The following GARNL3 variants were observed in gnomAD, a reference collection of about 807,000 sequenced individuals.
GARNL3 encodes GTPase activating Rap/RanGAP domain like 3.
In GARNL3, 63 loss-of-function variants were observed where a neutral mutation model predicts 125.0. The ratio of observed to expected loss-of-function variants is 0.50; its 90% CI spans 0.41 to 0.62. The LOEUF (loss-of-function observed/expected upper bound fraction) is 0.62, where lower values mean the gene tolerates loss of function less well. Ranked by LOEUF, GARNL3 falls within the 20% of genes least tolerant of loss-of-function variation. The probability of loss-of-function intolerance (pLI) is 0.00; values close to 1 mark genes in which losing one functional copy is unlikely to be tolerated. For missense variants in GARNL3, 994 were observed against 1,244.0 expected, an observed-to-expected ratio of 0.80 and a Z score of 3.02; for synonymous variants, 439 against 457.5, an observed-to-expected ratio of 0.96 and a Z score of 0.52.
At chr9:127,390,551 C>T in intron 26 of GARNL3, 90 bp from the exon 27 acceptor site, 1 of 1,165,538 alleles carries the variant, frequency 8.6e-7, no homozygotes, top group Non-Finnish European at 1.2e-6. Flanking sequence ...CAACAATGCA[C>T]CAGTTCCCAA....
chr9:127,251,549 G>GA (rs1477701854), intron 2 of GARNL3, among the ~76,000 whole-genome samples: 2 of 152,164 alleles, frequency 1.3e-5, no homozygotes, highest in Non-Finnish European at 2.9e-5. Flanking sequence ...TGTGTCTGAA[G>GA]AAAAACAGAG....
chr9:127,301,329 C>T (rs1379591673), intron 2 of GARNL3, among the ~76,000 whole-genome samples: 2 of 152,180 alleles, frequency 1.3e-5, no homozygotes, highest in African/African-American at 4.8e-5. Context: ...TTTTTATGGA[C>T]CCTAATGACT....
rs550289945 is a variant in GARNL3, at chr9:127,385,879, T to C, written c.2388+734T>C. Among the ~76,000 whole-genome samples, 1 of 152,342 alleles carries C rather than the reference T, an allele frequency of 6.6e-6. No individual in the cohort carries two copies. The highest frequency in any genetic ancestry group is 6.5e-5 in the Admixed American group (1 of 15,302). On this transcript the variant is annotated intron_variant, in intron 24 of 27. Transcript: ENST00000373387. The surrounding 1 kb of genome is among the most constrained non-coding windows in gnomAD (Gnocchi z 4.1). The stretch of plus-strand genomic sequence containing the variant: ...TGCTGTCTTACCATCATAGTACCAG[T>C]GGTGTGCTCAATGCTTCAGTCCCGC...
rs766417900 is a variant in GARNL3, at chr9:127,335,271, G to A, written c.811G>A (p.Gly271Arg). 3.5e-5 allele frequency: 57 copies of A among 1,613,892 alleles called. No individual in the cohort carries two copies. Among genetic ancestry groups the A allele is most frequent in the Non-Finnish European group, 4.8e-5 (57 of 1,179,868 alleles). Reference sequence around the variant, plus strand: ...ACATTCAGTTTATACTGTGTACCAAGGGCATGAGATCATGTTTCATGTTTC... The same window carrying A: ...ACATTCAGTTTATACTGTGTACCAAAGGCATGAGATCATGTTTCATGTTTC... ...GIHSVYTVYQ[G>R]HEIMFHVSTM... Residue 271 changes from glycine to arginine, a missense_variant, in exon 10 of 28, where the codon GGG (glycine) becomes AGG (arginine). By Grantham distance (125) the Gly-to-Arg change is moderately radical (BLOSUM62 -2). Coordinates refer to ENST00000373387, the MANE Select transcript of GARNL3 (RefSeq NM_032293.5).
At chr9:127,352,779 AGGACG>A (rs1316986757) in intron 17 of GARNL3, among the ~76,000 whole-genome samples, 1 of 152,214 alleles carries the variant, frequency 6.6e-6, no homozygotes, top group African/African-American at 2.4e-5. Context: ...TGGACCATCC[AGGACG>A]GGATGAACTC....
chr9:127,353,816 A>C (rs1830535986), intron 17 of GARNL3, 30 bp from the exon 18 acceptor site: 11 of 1,448,686 alleles, frequency 7.6e-6, no homozygotes, highest in Non-Finnish European at 1.1e-5. Context: ...GCTGGGTTGC[A>C]GTGATGGGTA....
At chr9:127,314,027 G>A (rs750494654) in intron 4 of GARNL3, among the ~76,000 whole-genome samples, 4 of 152,128 alleles carry the variant, frequency 2.6e-5, no homozygotes, top group Non-Finnish European at 4.4e-5. Flanking sequence ...CTCTGAACTC[G>A]TGACCACGGA....
chr9:127,374,569 G>T (rs1312353193), intron 22 of GARNL3, among the ~76,000 whole-genome samples: 1 of 151,976 alleles, frequency 6.6e-6, no homozygotes, highest in Non-Finnish European at 1.5e-5. Flanking sequence ...GAAAAGGCAA[G>T]GCACAGACAG....
chr9:127,295,876 T>G (rs2064575612), intron 2 of GARNL3, among the ~76,000 whole-genome samples: 1 of 152,188 alleles, frequency 6.6e-6, no homozygotes, highest in Non-Finnish European at 1.5e-5. Flanking sequence ...ACACTTATTG[T>G]GCCCTTTACT....
At chr9:127,345,813 G>A (rs545313281) in intron 16 of GARNL3, among the ~76,000 whole-genome samples, 9 of 152,358 alleles carry the variant, frequency 5.9e-5, no homozygotes, top group Non-Finnish European at 1.5e-5. Flanking sequence ...AGTAGGTCTG[G>A]AGTGGGGCTG....
chr9:127,361,484 G>T (rs535883287), intron 21 of GARNL3, among the ~76,000 whole-genome samples: 122 of 152,284 alleles, frequency 8.0e-4, no homozygotes, highest in African/African-American at 2.9e-3. Flanking sequence ...CCATATCAGG[G>T]TCTCCAGGAG....
chr9:127,353,824 G>T, intron 17 of GARNL3, 22 bp from the exon 18 acceptor site: 1 of 1,550,760 alleles, frequency 6.4e-7, no homozygotes, highest in African/African-American at 1.4e-5. Flanking sequence ...GCAGTGATGG[G>T]TAACCAGGTT....
intron 18 of GARNL3, 121 bp downstream of exon 18, chr9:127,354,065 G>A (rs1173224656): frequency 2.7e-6 from 2 of 751,330 alleles, no homozygotes; most frequent in Non-Finnish European, 4.6e-6. Context: ...CTTTCCTGAT[G>A]CTCAGTGCTT....
intron 4 of GARNL3, among the ~76,000 whole-genome samples, chr9:127,315,818 A>C (rs990994179): frequency 6.6e-6 from 1 of 152,236 alleles, no homozygotes; most frequent in Non-Finnish European, 1.5e-5. Context: ...ACAATACAGC[A>C]AGTGAAAAGA....
intron 2 of GARNL3, among the ~76,000 whole-genome samples, chr9:127,308,617 G>A (rs1159974913): frequency 6.6e-6 from 1 of 152,170 alleles, no homozygotes; most frequent in Admixed American, 6.5e-5. Context: ...AAATGTTGCA[G>A]ATGAAGGGAG....
chr9:127,330,328 A>G (rs1358509215), intron 7 of GARNL3, among the ~76,000 whole-genome samples: 3 of 152,184 alleles, frequency 2.0e-5, no homozygotes, highest in Non-Finnish European at 4.4e-5. Context: ...AAACCATAAA[A>G]CCCTAAAGTG....
chr9:127,320,388 C>T lies in GARNL3; in HGVS notation c.504-327C>T, dbSNP rs138592768. Reference sequence around the variant, plus strand: ...AGTCTTGTTAAGGATGGTCTTTTGCCCTATGTGGCATAGAAATTTCAGTTA... The same window carrying T: ...AGTCTTGTTAAGGATGGTCTTTTGCTCTATGTGGCATAGAAATTTCAGTTA... On this transcript the variant is annotated intron_variant, in intron 5 of 27. Coordinates refer to ENST00000373387, the MANE Select transcript of GARNL3 (RefSeq NM_032293.5). Among the ~76,000 whole-genome samples the T allele has an allele frequency of 5.9e-5, 9 of 152,206 alleles. No homozygotes were observed. The East Asian group carries it at 1.7e-3, about 29-fold the overall frequency.
chr9:127,368,169 A>G (rs1831392135), intron 22 of GARNL3, among the ~76,000 whole-genome samples: 1 of 148,944 alleles, frequency 6.7e-6, no homozygotes, highest in Non-Finnish European at 1.5e-5. Flanking sequence ...GGGATCCACA[A>G]GGTTGAAGAG....
In GARNL3 at chr9:127,266,505, A is replaced by C. The variant is rs1224420934; in HGVS notation, c.144+1484A>C. On this transcript the variant is annotated intron_variant, in intron 1 of 27. Coordinates refer to ENST00000373387, the MANE Select transcript of GARNL3 (RefSeq NM_032293.5). This position sits in a 1 kb window ranked among gnomAD's most constrained non-coding sequence, Gnocchi z 4.0. ...ACTTATCTTTGTGACCAGTCAGGTT[A>C]CTTCTCTGAACCTCAGTAATGCTGA... is the stretch of plus-strand genomic sequence containing the variant. Among the ~76,000 whole-genome samples the C allele has an allele frequency of 6.6e-6, 1 of 152,198 alleles. No homozygotes were observed. Among genetic ancestry groups the C allele is most frequent in the Non-Finnish European group, 1.5e-5 (1 of 68,028 alleles).
Sources: gnomAD v4.1 joint callset for allele counts (sites outside exome capture counted in the v4.1 genomes callset) on GRCh38, gnomAD v4.1.1 for gene constraint, Gnocchi (gnomAD v3.1) non-coding constraint, MANE v1.5 for transcripts, NCBI Gene and HGNC (gene_info 2026-07-23, HGNC 2026-07-21) for gene names.